ZHX2: variants seen among roughly 807,000 people sequenced by gnomAD.
The protein encoded by ZHX2 is zinc fingers and homeoboxes protein 2.
Under a neutral mutation model 21.9 loss-of-function variants are expected in ZHX2, and 6 were observed. The ratio of observed to expected loss-of-function variants is 0.27; its 90% CI spans 0.15 to 0.54. The LOEUF is 0.54. Ranked by LOEUF, ZHX2 falls within the 20% of genes least tolerant of loss-of-function variation. The pLI is 0.95. For missense variants in ZHX2, 908 were observed against 1,090.7 expected (o/e 0.83, Z 2.36); for synonymous variants, 434 against 437.1 (o/e 0.99, Z 0.09).
At chr8:122,865,195 C>A (rs1304992015) in intron 2 of ZHX2, among the ~76,000 whole-genome samples, 1 of 150,880 alleles carries the variant, frequency 6.6e-6, no homozygotes, top group African/African-American at 2.4e-5. Context: ...GTGGCACGAT[C>A]TCTGCTCACT....
At chr8:122,817,039 G>A (rs925861707) in intron 1 of ZHX2, among the ~76,000 whole-genome samples, 45 of 152,298 alleles carry the variant, frequency 3.0e-4, no homozygotes, top group African/African-American at 1.1e-3. Context: ...AAAAGTGGGG[G>A]ATTTTTATAG....
chr8:122,856,745 G>A (rs554844571), intron 1 of ZHX2, among the ~76,000 whole-genome samples: 17 of 152,188 alleles, frequency 1.1e-4, no homozygotes, highest in South Asian at 6.2e-4. Context: ...TCTAAAGATC[G>A]CAGGGTGCCT....
At chr8:122,913,177 A>C in intron 2 of ZHX2, among the ~76,000 whole-genome samples, 1 of 152,254 alleles carries the variant, frequency 6.6e-6, no homozygotes. Context: ...TTTAAGGTTT[A>C]TACATGTTGT....
At chr8:122,964,299 T>G (rs1224902819) in intron 3 of ZHX2, among the ~76,000 whole-genome samples, 4 of 152,212 alleles carry the variant, frequency 2.6e-5, no homozygotes, top group Non-Finnish European at 2.9e-5. Flanking sequence ...ATGGCTTTTA[T>G]TACCTCAAGG....
At chr8:122,923,537 G>A (rs1820784760) in intron 2 of ZHX2, among the ~76,000 whole-genome samples, 1 of 152,202 alleles carries the variant, frequency 6.6e-6, no homozygotes, top group Non-Finnish European at 1.5e-5. Context: ...CAGATTCAAG[G>A]GAGGTAGGGA....
chr8:122,953,140 T>C lies in ZHX2; in HGVS notation c.1630T>C (p.Leu544=). 12 of 1,613,832 alleles carry C rather than the reference T, an allele frequency of 7.4e-6. No homozygotes were observed. The highest frequency in any genetic ancestry group is 1.0e-5 in the Non-Finnish European group (12 of 1,180,022). ...GAAAACACAGGGTCAGGTTAAAATC[T>C]TGGAAGACAGCTTTTTGAAAAGTTC... The part of the protein sequence containing the change: ...KEKTQGQVKI[L]EDSFLKSSFP... The change falls in exon 3 of 4, where the codon TTG becomes CTG. Residue 544 remains leucine (L), a synonymous_variant. Coordinates refer to ENST00000314393, the MANE Select transcript of ZHX2 (RefSeq NM_014943.5). The surrounding 1 kb of genome is among the most constrained non-coding windows in gnomAD (Gnocchi z 4.6).
At chr8:122,839,217 G>T (rs553118170) in intron 1 of ZHX2, among the ~76,000 whole-genome samples, 19 of 152,032 alleles carry the variant, frequency 1.2e-4, no homozygotes, top group Admixed American at 1.0e-3. Flanking sequence ...ACTCCATTCA[G>T]CCAAGTATTC....
At chr8:122,806,365 A>G (rs777812801) in intron 1 of ZHX2, among the ~76,000 whole-genome samples, 3 of 152,214 alleles carry the variant, frequency 2.0e-5, no homozygotes, top group Admixed American at 6.5e-5. Context: ...TAGAAAAGCA[A>G]GAAGAAACCT....
chr8:122,935,823 C>G (rs1482034274), intron 2 of ZHX2, among the ~76,000 whole-genome samples: 5 of 152,214 alleles, frequency 3.3e-5, no homozygotes, highest in Non-Finnish European at 7.3e-5. Flanking sequence ...GTGTGAGCCA[C>G]CACGCCCGGC....
intron 3 of ZHX2, among the ~76,000 whole-genome samples, chr8:122,962,496 A>G (rs1000770745): frequency 6.6e-6 from 1 of 152,182 alleles, no homozygotes; most frequent in Non-Finnish European, 1.5e-5. Flanking sequence ...TGGTATATAC[A>G]TACCACATTT....
intron 2 of ZHX2, among the ~76,000 whole-genome samples, chr8:122,904,187 A>G (rs1820294981): frequency 6.6e-6 from 1 of 152,146 alleles, no homozygotes; most frequent in African/African-American, 2.4e-5. Context: ...CCCCCCCAAA[A>G]AAGTCTGCTG....
intron 3 of ZHX2, among the ~76,000 whole-genome samples, chr8:122,956,537 C>A (rs1220264980): frequency 2.0e-5 from 3 of 151,932 alleles, no homozygotes; most frequent in Non-Finnish European, 4.4e-5. Flanking sequence ...AGTGCACAGA[C>A]AAGGGAAAGA....
chr8:122,847,760 C>T (rs1036251789), intron 1 of ZHX2, among the ~76,000 whole-genome samples: 1 of 152,168 alleles, frequency 6.6e-6, no homozygotes, highest in Non-Finnish European at 1.5e-5. Flanking sequence ...CTGAGAGTAC[C>T]TCACCACCAG....
chr8:122,962,346 G>T (rs937443061), intron 3 of ZHX2, among the ~76,000 whole-genome samples: 1 of 152,242 alleles, frequency 6.6e-6, no homozygotes, highest in Admixed American at 6.5e-5. Context: ...TCATAGCTTA[G>T]CTCCCACTTG....
chr8:122,913,224 C>T (rs1373235275), intron 2 of ZHX2, among the ~76,000 whole-genome samples: 1 of 152,124 alleles, frequency 6.6e-6, no homozygotes, highest in Non-Finnish European at 1.5e-5. Flanking sequence ...TTTTTTGATG[C>T]CAAAGAAGAT....
chr8:122,902,446 T>C (rs772943207), intron 2 of ZHX2, among the ~76,000 whole-genome samples: 1 of 152,188 alleles, frequency 6.6e-6, no homozygotes, highest in Non-Finnish European at 1.5e-5. Flanking sequence ...AGCTGTACAT[T>C]GGGGATGGAA....
chr8:122,956,861 C>T (rs958621289), intron 3 of ZHX2, among the ~76,000 whole-genome samples: 3 of 152,100 alleles, frequency 2.0e-5, no homozygotes, highest in Non-Finnish European at 2.9e-5. Flanking sequence ...CCAGAGGCCC[C>T]GGTCCCCATC....
At chr8:122,817,653 T>G (rs1000910741) in intron 1 of ZHX2, among the ~76,000 whole-genome samples, 1 of 152,258 alleles carries the variant, frequency 6.6e-6, no homozygotes, top group African/African-American at 2.4e-5. Flanking sequence ...TCCTGCACAC[T>G]AAAATACCAC....
intron 2 of ZHX2, among the ~76,000 whole-genome samples, chr8:122,892,066 T>C (rs1317254974): frequency 6.6e-6 from 1 of 152,218 alleles, no homozygotes; most frequent in African/African-American, 2.4e-5. Flanking sequence ...TCTCTCCCTT[T>C]AGGTCTAGCA....
Sources: gnomAD v4.1 joint callset for allele counts (sites outside exome capture counted in the v4.1 genomes callset) on GRCh38, gnomAD v4.1.1 for gene constraint, Gnocchi (gnomAD v3.1) non-coding constraint, MANE v1.5 for transcripts, NCBI Gene and HGNC (gene_info 2026-07-23, HGNC 2026-07-21) for gene names.